Variants in PGD observed in about 807,000 individuals in gnomAD.
PGD encodes 6-phosphogluconate dehydrogenase, decarboxylating.
In PGD, 21 loss-of-function variants were observed where a neutral mutation model predicts 60.4. The ratio of observed to expected loss-of-function variants is 0.35; its 90% CI spans 0.25 to 0.50. PGD has a LOEUF of 0.50. Among genes scored for constraint, PGD ranks in the 20% least tolerant of loss-of-function variants. PGD has a pLI of 0.98. For synonymous variants in PGD, 230 were observed against 235.9 expected (o/e 0.97, Z 0.23); for missense variants, 477 against 613.1 (o/e 0.78, Z 2.34).
At chr1:10,404,132 C>T (rs748889914) in intron 4 of PGD, 29 bp from the exon 5 acceptor site, 4 of 1,432,362 alleles carry the variant, frequency 2.8e-6, no homozygotes, top group South Asian at 2.4e-5. Flanking sequence ...AACATGGAAG[C>T]ATAATGAAAT....
At chr1:10,417,239 T>C in intron 9 of PGD, 122 bp downstream of exon 9, 1 of 1,450,862 alleles carries the variant, frequency 6.9e-7, no homozygotes, top group African/African-American at 1.4e-5. Flanking sequence ...CAGCCTTGAC[T>C]TGGATCTTGA....
chr1:10,419,952 A>G lies in PGD; in HGVS notation c.*203A>G. The G allele has an allele frequency of 1.7e-6, 1 of 585,990 alleles. No homozygotes were observed. Among genetic ancestry groups the G allele is most frequent in the Admixed American group, 3.1e-5 (1 of 32,374 alleles). The allele number at this position is 585,990 out of a possible 1,614,324, so 36.3% of individuals were successfully genotyped here. ...CCTCTGCCCTTGCCTCTTGGGACTG[A>G]CCAGGAGCTGCTCATGTGCGTGAGA... On this transcript the variant is annotated 3_prime_UTR_variant, in exon 13 of 13. Transcript: ENST00000270776.
chr1:10,417,403 T>C lies in PGD; in HGVS notation c.1003T>C (p.Tyr335His), dbSNP rs559849952. 1 of 1,613,306 alleles carries C rather than the reference T, an allele frequency of 6.2e-7. No individual in the cohort carries two copies. Among genetic ancestry groups the C allele is most frequent in the South Asian group, 1.1e-5 (1 of 90,932 alleles). ...ACTCTACGCTTCCAAGATCATCTCTTACGCTCAAGGCTTTATGCTGCTAAG... is the reference window on the plus strand; with the variant it reads ...ACTCTACGCTTCCAAGATCATCTCTCACGCTCAAGGCTTTATGCTGCTAAG... The part of the protein sequence containing the change: ...KALYASKIIS[Y>H]AQGFMLLRQA... The change falls in exon 10 of 13, where the codon TAC (tyrosine) becomes CAC (histidine). Residue 335 changes from tyrosine to histidine, a missense_variant. Tyr to His is a moderately conservative substitution (Grantham distance 83, BLOSUM62 2). This residue lies in a region of PGD where 431 missense variants were observed against 556.6 expected (regional missense o/e 0.77). Coordinates refer to ENST00000270776, the MANE Select transcript of PGD (RefSeq NM_002631.4).
At chr1:10,418,712 T>C in intron 10 of PGD, 114 bp from the exon 11 acceptor site, 1 of 609,246 alleles carries the variant, frequency 1.6e-6, no homozygotes. Context: ...GAGGTGGAGG[T>C]TGCTGTGAGC....
intron 10 of PGD, among the ~76,000 whole-genome samples, chr1:10,418,160 C>T (rs568842703): frequency 5.6e-4 from 85 of 152,326 alleles, no homozygotes; most frequent in Non-Finnish European, 8.7e-4. Flanking sequence ...GACGTTACAT[C>T]GTTCTCATGT....
intron 11 of PGD, 42 bp from the exon 12 acceptor site, chr1:10,419,375 A>G: frequency 4.4e-6 from 7 of 1,595,346 alleles, no homozygotes; most frequent in Non-Finnish European, 6.0e-6. Context: ...CCGCGTCACC[A>G]GGGGCAGATC....
At chr1:10,401,919 G>A (rs1293208602) in intron 3 of PGD, among the ~76,000 whole-genome samples, 1 of 152,168 alleles carries the variant, frequency 6.6e-6, no homozygotes, top group Non-Finnish European at 1.5e-5. Flanking sequence ...GGAGGCTGAG[G>A]CAGGAGAGTG....
chr1:10,410,346 G>T (rs1041770876), intron 6 of PGD, among the ~76,000 whole-genome samples: 20 of 152,066 alleles, frequency 1.3e-4, no homozygotes, highest in African/African-American at 4.3e-4. Flanking sequence ...GGAGGCTGAG[G>T]CGTTAGAATT....
At position 10,403,150 on chromosome 1, in the gene PGD, A is replaced by G. The variant is rs774366423; in HGVS notation, c.330+14A>G. 1.4e-5 allele frequency: 22 copies of G among 1,569,104 alleles called. No homozygotes were observed. Among genetic ancestry groups the G allele is most frequent in the East Asian group, 2.2e-5 (1 of 44,698 alleles). ...AGGGACACCACAGTAAGTGTTCTTC[A>G]GTCCAGATTCTTCCAGGTTCCGAGA... On this transcript the variant is annotated intron_variant, in intron 4 of 12. Transcript: ENST00000270776.
intron 11 of PGD, 144 bp downstream of exon 11, chr1:10,419,069 C>G: frequency 1.7e-6 from 1 of 602,848 alleles, no homozygotes; most frequent in Non-Finnish European, 2.9e-6. Context: ...AGTACAGTGG[C>G]ATGATCTTGG....
chr1:10,418,966 C>G (rs1184424137), intron 11 of PGD, 41 bp downstream of exon 11: 2 of 1,080,952 alleles, frequency 1.9e-6, no homozygotes, highest in South Asian at 1.3e-5. Flanking sequence ...CTCTACCTCC[C>G]TGGGGCCATC....
At chr1:10,402,502 C>G (rs1161653364) in intron 3 of PGD, among the ~76,000 whole-genome samples, 1 of 151,396 alleles carries the variant, frequency 6.6e-6, no homozygotes, top group Admixed American at 6.6e-5. Flanking sequence ...GCCTGGGCGA[C>G]ATGGTGAGAC....
At chr1:10,409,478 G>A (rs1201201332) in intron 6 of PGD, among the ~76,000 whole-genome samples, 1 of 152,036 alleles carries the variant, frequency 6.6e-6, no homozygotes, top group African/African-American at 2.4e-5. Context: ...CGGGTGTAGT[G>A]GCTCGTGCTT....
At chr1:10,400,153 G>A in intron 2 of PGD, 1 of 516,036 alleles carries the variant, frequency 1.9e-6, no homozygotes, top group East Asian at 3.2e-5. Context: ...TAACACGTTG[G>A]GTGTGGATTC....
Position 10,419,824 on chromosome 1 carries a change from C to T in PGD, c.*75C>T. 1.3e-6 allele frequency: 2 copies of T among 1,537,386 alleles called. No individual in the cohort carries two copies. Among genetic ancestry groups the T allele is most frequent in the Non-Finnish European group, 1.8e-6 (2 of 1,121,458 alleles). On this transcript the variant is annotated 3_prime_UTR_variant, in exon 13 of 13. Transcript: ENST00000270776. The stretch of plus-strand genomic sequence containing the variant: ...TGTGCCTCATGGCACTGCCACCTGG[C>T]CCTTTGCCCTATTTTCTGTTCAGTT...
In PGD at chr1:10,399,665, C is replaced by A; in HGVS notation, c.45C>A (p.Gly15=). ...DIALIGLAVM[G]QNLILNMNDH... The stretch of plus-strand genomic sequence containing the variant: ...CGCTGATCGGATTGGCCGTCATGGG[C>A]CAGAACTTAATTCTGAACATGAATG... Residue 15 remains glycine (G), a synonymous_variant, in exon 2 of 13, where the codon GGC becomes GGA. Coordinates refer to ENST00000270776, the MANE Select transcript of PGD (RefSeq NM_002631.4). 7 of 1,614,078 alleles carry A rather than the reference C, an allele frequency of 4.3e-6. No homozygotes were observed. The East Asian group carries it at 1.6e-4, about 36-fold the overall frequency.
At chr1:10,419,002 T>G (rs1639644434) in intron 11 of PGD, 77 bp downstream of exon 11, 4 of 900,050 alleles carry the variant, frequency 4.4e-6, no homozygotes, top group Non-Finnish European at 7.2e-6. Context: ...TTTTTTGTTT[T>G]TTTTTTTTGG....
chr1:10,400,128 T>G, intron 2 of PGD: 1 of 471,232 alleles, frequency 2.1e-6, no homozygotes, highest in Admixed American at 3.7e-5. Flanking sequence ...AGTTCCTGGA[T>G]TTGATTTTGA....
At position 10,418,831 on chromosome 1, in the gene PGD, T is replaced by A; in HGVS notation, c.1115T>A (p.Phe372Tyr). 1 of 1,575,488 alleles carries A rather than the reference T, an allele frequency of 6.3e-7. No individual in the cohort carries two copies. Among genetic ancestry groups the A allele is most frequent in the Non-Finnish European group, 8.7e-7 (1 of 1,146,022 alleles). Residue 372 changes from phenylalanine (F) to tyrosine (Y), a missense_variant, in exon 11 of 13, where the codon TTC becomes TAC. Coordinates refer to ENST00000270776, the MANE Select transcript of PGD (RefSeq NM_002631.4). ...TCCCCCCTTGATTATTTCAGTGTAT[T>A]CCTAGGAAAGATAAAGGATGCATTT... is the stretch of plus-strand genomic sequence containing the variant. ...WRGGCIIRSV[F>Y]LGKIKDAFDR...
Sources: gnomAD v4.1 joint callset for allele counts (sites outside exome capture counted in the v4.1 genomes callset) on GRCh38, gnomAD v4.1.1 for gene constraint, gnomAD v4.1.1 regional missense constraint, MANE v1.5 for transcripts, NCBI Gene and HGNC (gene_info 2026-07-23, HGNC 2026-07-21) for gene names.